The following USP6 variants were observed in gnomAD, a reference collection of about 807,000 sequenced individuals.
USP6 encodes ubiquitin specific peptidase 6.
In USP6, 128 loss-of-function variants were observed where a neutral mutation model predicts 175.7. The ratio of observed to expected loss-of-function variants is 0.73; its 90% CI spans 0.63 to 0.84. The LOEUF (loss-of-function observed/expected upper bound fraction) is 0.84, where lower values mean the gene tolerates loss of function less well. USP6 is among the 40% of genes least tolerant of loss of function. The pLI is 0.00. For synonymous variants in USP6, 562 were observed against 630.6 expected, an observed-to-expected ratio of 0.89 and a Z score of 1.63; for missense variants, 1,498 against 1,760.3, an observed-to-expected ratio of 0.85 and a Z score of 2.67.
intron 4 of USP6, among the ~76,000 whole-genome samples, chr17:5,122,133 A>AGGGT (rs1248793834): frequency 1.1e-5 from 1 of 94,338 alleles, no homozygotes; most frequent in Non-Finnish European, 2.1e-5. Context: ...TGCGGGGTGG[A>AGGGT]GGGTGGGTCG....
At position 5,149,576 on chromosome 17, in the gene USP6, GA is replaced by G. The variant is rs570397197; in HGVS notation, c.2643+816del. Among the ~76,000 whole-genome samples, 601 of 151,902 alleles carry G rather than the reference GA, an allele frequency of 4.0e-3. 3 individuals carry two copies. The highest frequency in any genetic ancestry group is 0.013 in the African/African-American group (551 of 41,444). On this transcript the variant is annotated intron_variant, in intron 30 of 37. Transcript: ENST00000574788. ...TGAGACCTTGTCTCTAAAAAAATTAGAAAAAAACAAAAACCAACACACACAA... is the reference window on the plus strand; with the variant it reads ...TGAGACCTTGTCTCTAAAAAAATTAGAAAAAACAAAAACCAACACACACAA...
intron 5 of USP6, among the ~76,000 whole-genome samples, chr17:5,125,618 C>T (rs1007246473): frequency 2.6e-5 from 4 of 151,430 alleles, no homozygotes; most frequent in African/African-American, 9.7e-5. Flanking sequence ...TTGCAGCTGC[C>T]CTCCCACATC....
rs781411939 is a variant in USP6 at position 5,142,378 on chromosome 17, T to A, written c.1713-19T>A. The A allele has an allele frequency of 6.2e-7, 1 of 1,600,398 alleles. No homozygotes were observed. Among genetic ancestry groups the A allele is most frequent in the Non-Finnish European group, 8.5e-7 (1 of 1,170,942 alleles). On this transcript the variant is annotated intron_variant, in intron 24 of 37. Transcript: ENST00000574788. ...TTTATGAGAATCTTTGGCAACAAATTTTCCTCTCAAACTTCTAGGACAAAT... is the reference window on the plus strand; with the variant it reads ...TTTATGAGAATCTTTGGCAACAAATATTCCTCTCAAACTTCTAGGACAAAT...
chr17:5,126,899 C>T (rs2072912285), intron 6 of USP6: 1 of 152,384 alleles, frequency 6.6e-6, no homozygotes, highest in Non-Finnish European at 1.5e-5. Flanking sequence ...GCCCCACGCT[C>T]CAGGAAGCAG....
chr17:5,172,769 A>G (rs1350387252), intron 37 of USP6, 36 bp from the exon 38 acceptor site: 7 of 1,610,560 alleles, frequency 4.3e-6, no homozygotes, highest in African/African-American at 2.7e-5. Context: ...CATAATAGTG[A>G]TGGCTTTTTG....
intron 33 of USP6, among the ~76,000 whole-genome samples, chr17:5,165,691 G>T (rs1156997218): frequency 6.6e-6 from 1 of 152,092 alleles, no homozygotes; most frequent in Non-Finnish European, 1.5e-5. Context: ...TTCATTTCCT[G>T]TGTTTTGTGT....
At chr17:5,136,796 A>C (rs2073269623) in intron 18 of USP6, 62 bp downstream of exon 18, 1 of 1,592,020 alleles carries the variant, frequency 6.3e-7, no homozygotes, top group East Asian at 2.2e-5. Context: ...CTGTAGGAGC[A>C]GGGGGACTGG....
intron 9 of USP6, 93 bp from the exon 10 acceptor site, chr17:5,130,274 A>G (rs562055676): frequency 1.7e-4 from 221 of 1,281,060 alleles, no homozygotes; most frequent in Admixed American, 5.8e-4. Context: ...AGGTTATACA[A>G]CCAGCCAGCA....
intron 33 of USP6, among the ~76,000 whole-genome samples, chr17:5,164,652 G>C (rs890353949): frequency 6.6e-6 from 1 of 152,228 alleles, no homozygotes; most frequent in Non-Finnish European, 1.5e-5. Flanking sequence ...TTTCAGTGAT[G>C]CACTTAGGAT....
intron 4 of USP6, among the ~76,000 whole-genome samples, chr17:5,123,656 C>G (rs1266946785): frequency 3.3e-5 from 5 of 152,314 alleles, no homozygotes; most frequent in African/African-American, 1.2e-4. Flanking sequence ...ACCCGCAGAA[C>G]GCATACTCAC....
rs2074131552 is a variant in USP6, at chr17:5,168,025, G to A, written c.3130G>A (p.Glu1044Lys). ...CTGTCTCCGTGCTTTCACCAGTGAG[G>A]AAGAGCTAGGGGAAAGTGAGATGTA... ...DSCLRAFTSEEELGESEMYYC... is the reference protein window; with the variant it reads ...DSCLRAFTSEKELGESEMYYC... Residue 1044 changes from glutamate to lysine, a missense_variant, in exon 34 of 38, where the codon GAA (glutamate) becomes AAA (lysine). Coordinates refer to ENST00000574788, the MANE Select transcript of USP6 (RefSeq NM_001304284.2). 7 of 1,612,016 alleles carry A rather than the reference G, an allele frequency of 4.3e-6. No individual in the cohort carries two copies. Among genetic ancestry groups the A allele is most frequent in the Non-Finnish European group, 5.9e-6 (7 of 1,179,852 alleles).
chr17:5,168,260 T>G lies in USP6; in HGVS notation c.3228+137T>G, dbSNP rs1211572342. ...GTTTAAAACACATTCTGTACAAGGTTTTTATGTTGAATACAGAGATGAATC... is the reference window on the plus strand; with the variant it reads ...GTTTAAAACACATTCTGTACAAGGTGTTTATGTTGAATACAGAGATGAATC... On this transcript the variant is annotated intron_variant, in intron 34 of 37. Coordinates refer to ENST00000574788, the MANE Select transcript of USP6 (RefSeq NM_001304284.2). 1.3e-5 allele frequency: 14 copies of G among 1,099,810 alleles called. No homozygotes were observed. In the Admixed American group the frequency reaches 3.9e-4, roughly 31 times the overall value. The allele number at this position is 1,099,810 out of a possible 1,614,324, so 68.1% of individuals were successfully genotyped here.
At position 5,168,080 on chromosome 17, in the gene USP6, T is replaced by G. The variant is rs142364918; in HGVS notation, c.3185T>G (p.Leu1062Ter). The change falls in exon 34 of 38, where the codon TTA becomes TGA. Residue 1062 changes from leucine to a stop codon, truncating the protein, a stop_gained. Coordinates refer to ENST00000574788, the MANE Select transcript of USP6 (RefSeq NM_001304284.2). LOFTEE classifies it high-confidence loss of function. ...TGTTCCAAGTGTAAGACCCACTGCT[T>G]AGCAACAAAGAAGCTGGATCTCTGG... ...YYCSKCKTHC[L>*]ATKKLDLWRL... is the part of the protein sequence containing the mutation. 1.9e-6 allele frequency: 3 copies of G among 1,611,346 alleles called. No individual in the cohort carries two copies. Among genetic ancestry groups the G allele is most frequent in the Non-Finnish European group, 2.5e-6 (3 of 1,179,436 alleles).
Position 5,170,509 on chromosome 17 carries a change from C to G in USP6, c.3548C>G (p.Thr1183Ser). ...CCTTCTTCATCAAGAAAAAGTGGAA[C>G]CAGCTGTCCCTCCAGCAAAAACAGC... ...GSPSSSRKSG[T>S]SCPSSKNSSP... Residue 1183 changes from threonine (T) to serine (S), a missense_variant, in exon 36 of 38, where the codon ACC (threonine) becomes AGC (serine). By Grantham distance (58) the Thr-to-Ser change is moderately conservative (BLOSUM62 1). Coordinates refer to ENST00000574788, the MANE Select transcript of USP6 (RefSeq NM_001304284.2). 2 of 1,610,624 alleles carry G rather than the reference C, an allele frequency of 1.2e-6. No individual in the cohort carries two copies. Among genetic ancestry groups the G allele is most frequent in the Non-Finnish European group, 1.7e-6 (2 of 1,179,026 alleles).
chr17:5,141,646 A>T, intron 23 of USP6, 147 bp downstream of exon 23: 5 of 695,364 alleles, frequency 7.2e-6, no homozygotes, highest in Non-Finnish European at 1.1e-5. Context: ...GCAGCATTTG[A>T]TGTTGGCAAA....
At chr17:5,138,091 C>G (rs1210724791) in intron 20 of USP6, 30 bp from the exon 21 acceptor site, 2 of 1,613,942 alleles carry the variant, frequency 1.2e-6, no homozygotes, top group Non-Finnish European at 8.5e-7. Flanking sequence ...CCAGGGAACT[C>G]TCCTGGCCTG....
rs2072536162 is a variant in USP6 at position 5,116,294 on chromosome 17, C to G, written c.-2374C>G. The stretch of plus-strand genomic sequence containing the variant: ...GCCCCGCTCCGGGCGGCCCCCCTCA[C>G]CACTCCCGGCCCCGCTCCCGGCGGC... On this transcript the variant is annotated 5_prime_UTR_variant, in exon 1 of 38. Transcript: ENST00000574788. 6.5e-6 allele frequency: 1 copy of G among 154,414 alleles called. No homozygotes were observed. Among genetic ancestry groups the G allele is most frequent in the South Asian group, 2.0e-4 (1 of 4,892 alleles). 9.6% of individuals were successfully genotyped at this position (154,414 alleles called of 1,614,324 possible).
At chr17:5,169,111 T>A in intron 35 of USP6, 56 bp downstream of exon 35, 1 of 1,495,980 alleles carries the variant, frequency 6.7e-7, no homozygotes, top group Non-Finnish European at 8.9e-7. Flanking sequence ...AGGCTACATA[T>A]GTTTCTCTGT....
At chr17:5,125,547 ACT>A (rs2072857771) in intron 5 of USP6, among the ~76,000 whole-genome samples, 1 of 152,044 alleles carries the variant, frequency 6.6e-6, no homozygotes, top group Admixed American at 6.6e-5. Flanking sequence ...AAATGAAAAC[ACT>A]CTCTTGCTGT....
Sources: allele counts gnomAD v4.1 joint callset (sites outside exome capture counted in the v4.1 genomes callset), GRCh38; gene constraint gnomAD v4.1.1; transcripts MANE v1.5; gene names NCBI Gene and HGNC (gene_info 2026-07-23, HGNC 2026-07-21).